Variants in USP36 observed in about 807,000 individuals in gnomAD.
USP36 encodes ubiquitin specific peptidase 36.
In USP36, 59 loss-of-function variants were observed where a neutral mutation model predicts 111.5. The ratio of observed to expected loss-of-function variants is 0.53; its 90% confidence interval spans 0.43 to 0.66. The LOEUF is 0.66. USP36 is among the 30% of genes least tolerant of loss of function. The pLI is 0.00. For synonymous variants in USP36, 628 were observed against 581.0 expected, an observed-to-expected ratio of 1.08 and a Z score of -1.16; for missense variants, 1,488 against 1,468.0, an observed-to-expected ratio of 1.01 and a Z score of -0.22.
Position 78,806,169 on chromosome 17 carries a change from C to T in USP36, c.2203G>A (p.Val735Ile), listed in dbSNP as rs370008283. 5.9e-5 allele frequency: 95 copies of T among 1,613,230 alleles called. No individual in the cohort carries two copies. In the East Asian group the frequency reaches 1.3e-3, roughly 23 times the overall value. The change falls in exon 15 of 21, where the codon GTC (valine) becomes ATC (isoleucine). Residue 735 changes from valine to isoleucine, a missense_variant. By Grantham distance (29) the Val-to-Ile change is conservative. Around this residue, in one of 3 missense-constraint regions of USP36, gnomAD observed 1,073 missense variants for 994.1 expected, o/e 1.08. Transcript: ENST00000449938. ...CCCAAAGCTTACCTGGCTCTATGGA[C>T]GGGCCAAGTGGAGGCAACGACGGGG... Reference protein sequence around the residue: ...SHPVVASTWPVHRARAVSPAP... With the variant: ...SHPVVASTWPIHRARAVSPAP...
At chr17:78,816,157 A>G (rs79112051) in intron 10 of USP36, among the ~76,000 whole-genome samples, 1 of 151,686 alleles carries the variant, frequency 6.6e-6, no homozygotes, top group Non-Finnish European at 1.5e-5. Flanking sequence ...ACATACGCAT[A>G]ATTTTTTTTT....
downstream of USP36, among the ~76,000 whole-genome samples, chr17:78,790,898 A>G (rs2093577817): frequency 6.6e-6 from 1 of 152,128 alleles, no homozygotes; most frequent in South Asian, 2.1e-4. Flanking sequence ...TGTCTAATGG[A>G]TATTTGGCAG....
rs2068579501 is a variant in USP36, at chr17:78,835,518, C to A, written c.254-17G>T. 3 of 1,575,788 alleles carry A rather than the reference C, an allele frequency of 1.9e-6. No homozygotes were observed. The highest frequency in any genetic ancestry group is 2.6e-6 in the Non-Finnish European group (3 of 1,159,592). On this transcript the variant is annotated splice_polypyrimidine_tract_variant and intron_variant, in intron 3 of 20. Transcript: ENST00000449938. ...GCTCACTGCCTGAGGAAGAAAGGGA[C>A]AAGGGAAGAAAAGAGGAAGACGTAA... is the stretch of plus-strand genomic sequence containing the variant.
intron 15 of USP36, among the ~76,000 whole-genome samples, chr17:78,805,653 G>T (rs957404315): frequency 2.1e-4 from 32 of 152,324 alleles, no homozygotes; most frequent in African/African-American, 7.5e-4. Context: ...ACATGCACAG[G>T]GAAGGGGCTG....
At chr17:78,821,371 G>A (rs556737074) in intron 7 of USP36, 15 of 187,322 alleles carry the variant, frequency 8.0e-5, no homozygotes, top group Admixed American at 4.0e-4. Context: ...ACGCGTGCAC[G>A]GCACTTCCTA....
intron 17 of USP36, among the ~76,000 whole-genome samples, chr17:78,801,175 A>T (rs1366623831): frequency 6.6e-6 from 1 of 151,680 alleles, no homozygotes; most frequent in Non-Finnish European, 1.5e-5. Flanking sequence ...ACGGGGTTTC[A>T]CCGTGTCAGC....
rs533661069 is a variant in USP36 at position 78,806,146 on chromosome 17, C to T, written c.2216+10G>A. 2.7e-4 allele frequency: 436 copies of T among 1,612,988 alleles called. 4 individuals carry two copies. The South Asian group carries it at 4.6e-3, about 17-fold the overall frequency. On this transcript the variant is annotated intron_variant, in intron 15 of 20. Coordinates refer to ENST00000449938, the MANE Select transcript of USP36 (RefSeq NM_001385174.1). The stretch of plus-strand genomic sequence containing the variant: ...AGTTGGCACCCAGAAGATCCCGGCC[C>T]AAAGCTTACCTGGCTCTATGGACGG...
At chr17:78,818,243 CA>C (rs1205650135) in intron 10 of USP36, among the ~76,000 whole-genome samples, 1 of 152,210 alleles carries the variant, frequency 6.6e-6, no homozygotes, top group Non-Finnish European at 1.5e-5. Context: ...TCATCACACT[CA>C]TCTGGAGAAC....
rs10527657 is a variant in USP36 at position 78,834,997 on chromosome 17, G to GTATATATATATATATA, written c.475+267_475+282dup. ...TACTGTCTCTAAAAAAATAATATTT[G>GTATATATATATATATA]TATATATATATATATATATATTTTG... On this transcript the variant is annotated intron_variant, in intron 4 of 20. Coordinates refer to ENST00000449938, the MANE Select transcript of USP36 (RefSeq NM_001385174.1). 4.5e-3 allele frequency among the ~76,000 whole-genome samples: 634 copies of GTATATATATATATATA among 141,364 alleles called. 10 individuals carry two copies. The highest frequency in any genetic ancestry group is 0.017 in the African/African-American group (592 of 35,784). The allele number at this position is 141,364 out of a possible 152,430, so 92.7% of individuals were successfully genotyped here.
At chr17:78,830,710 C>T (rs1456094704) in intron 4 of USP36, among the ~76,000 whole-genome samples, 1 of 152,152 alleles carries the variant, frequency 6.6e-6, no homozygotes, top group Non-Finnish European at 1.5e-5. Flanking sequence ...CAACAGCATG[C>T]AGCCTGCTTA....
chr17:78,815,931 CACAT>C lies in USP36; in HGVS notation c.1024-1383_1024-1380del, dbSNP rs200221326. ...ACACATGCATACGCACACATACACA[CACAT>C]ATACACACATGCATGCACACACATA... is the stretch of plus-strand genomic sequence containing the variant. On this transcript the variant is annotated intron_variant, in intron 10 of 20. Coordinates refer to ENST00000449938, the MANE Select transcript of USP36 (RefSeq NM_001385174.1). Among the ~76,000 whole-genome samples the C allele has an allele frequency of 8.4e-3, 1,274 of 151,956 alleles. 10 individuals carry two copies. Among genetic ancestry groups the C allele is most frequent in the Middle Eastern group, 0.014 (4 of 294 alleles).
At position 78,807,499 on chromosome 17, in the gene USP36, G is replaced by T. The variant is rs1457663442; in HGVS notation, c.1545C>A (p.Ser515=). Residue 515 remains serine (S), a synonymous_variant, in exon 14 of 21, where the codon TCC becomes TCA. Transcript: ENST00000449938. ...GTGTGGGTGTCTGGGAGAGTTTGGGGGAAGGGGACCCCGAGGGCAGCTTTG... is the reference window on the plus strand; with the variant it reads ...GTGTGGGTGTCTGGGAGAGTTTGGGTGAAGGGGACCCCGAGGGCAGCTTTG... ...IPPKLPSGSP[S]PKLSQTPTHM... 6.2e-7 allele frequency: 1 copy of T among 1,613,908 alleles called. No homozygotes were observed. Among genetic ancestry groups the T allele is most frequent in the African/African-American group, 1.3e-5 (1 of 74,908 alleles).
chr17:78,792,388 C>T (rs1199708664), downstream of USP36, among the ~76,000 whole-genome samples: 1 of 152,114 alleles, frequency 6.6e-6, no homozygotes, highest in Admixed American at 6.5e-5. Flanking sequence ...GCACCTCGTC[C>T]AGCATCTCCA....
chr17:78,819,010 A>G, intron 9 of USP36: 1 of 446,434 alleles, frequency 2.2e-6, no homozygotes, highest in Non-Finnish European at 4.1e-6. Context: ...AAGCAAAAAA[A>G]TAAAAGTACT....
chr17:78,806,909 T>G (rs2145112649), intron 14 of USP36, 50 bp downstream of exon 14: 1 of 1,589,206 alleles, frequency 6.3e-7, no homozygotes, highest in Non-Finnish European at 8.6e-7. Flanking sequence ...ACCAAGCAAC[T>G]CTTGGAGCTC....
At chr17:78,804,849 A>G (rs76579735) in intron 15 of USP36, among the ~76,000 whole-genome samples, 1 of 152,022 alleles carries the variant, frequency 6.6e-6, no homozygotes, top group Non-Finnish European at 1.5e-5. Context: ...AATGGTAAGG[A>G]AAAAAAAGAT....
At chr17:78,828,766 A>G in intron 5 of USP36, 131 bp downstream of exon 5, 1 of 856,780 alleles carries the variant, frequency 1.2e-6, no homozygotes, top group Non-Finnish European at 1.8e-6. Flanking sequence ...ACACTTTGGC[A>G]GGCCAAAACG....
At position 78,836,083 on chromosome 17, in the gene USP36, T is replaced by C. The variant is rs771212962; in HGVS notation, c.253+28A>G. On this transcript the variant is annotated intron_variant, in intron 3 of 20. Coordinates refer to ENST00000449938, the MANE Select transcript of USP36 (RefSeq NM_001385174.1). ...ACTTCGTCACCCCGGAGTGAGGGCC[T>C]CTCTGCCAGCACACTGCACATCTGT... 2.0e-5 allele frequency: 32 copies of C among 1,604,406 alleles called. No individual in the cohort carries two copies. The Admixed American group carries it at 2.9e-4, about 14-fold the overall frequency.
At chr17:78,816,330 A>T (rs1050544210) in intron 10 of USP36, among the ~76,000 whole-genome samples, 2 of 152,006 alleles carry the variant, frequency 1.3e-5, no homozygotes, top group African/African-American at 4.8e-5. Context: ...TGGCCAATTA[A>T]TAAAAATTTT....
Sources: allele counts gnomAD v4.1 joint callset (sites outside exome capture counted in the v4.1 genomes callset), GRCh38; gene constraint gnomAD v4.1.1; regional missense constraint gnomAD v4.1.1; transcripts MANE v1.5; gene names NCBI Gene and HGNC (gene_info 2026-07-23, HGNC 2026-07-21).